Variants in ANKFN1 observed in about 807,000 individuals in gnomAD.
The protein encoded by ANKFN1 is ankyrin repeat and fibronectin type-III domain-containing protein 1.
In ANKFN1, 74 loss-of-function variants were observed where a neutral mutation model predicts 108.7. The observed-to-expected ratio is 0.68, with a 90% confidence interval of 0.56 to 0.83. The LOEUF (loss-of-function observed/expected upper bound fraction) is 0.83, where lower values mean the gene tolerates loss of function less well. Among genes scored for constraint, ANKFN1 ranks in the 40% least tolerant of loss-of-function variants. ANKFN1 has a pLI of 0.00. For synonymous variants in ANKFN1, 547 were observed against 516.2 expected (o/e 1.06, Z -0.81); for missense variants, 1,505 against 1,382.3 (o/e 1.09, Z -1.41).
chr17:56,055,983 G>T (rs928211961), intron 4 of ANKFN1, among the ~76,000 whole-genome samples: 3 of 151,734 alleles, frequency 2.0e-5, no homozygotes, highest in Non-Finnish European at 2.9e-5. Context: ...TTGATGTTGA[G>T]AATTTTTTCA....
chr17:56,204,801 C>T (rs1212362196), intron 1 of ANKFN1, among the ~76,000 whole-genome samples: 1 of 152,056 alleles, frequency 6.6e-6, no homozygotes, highest in Non-Finnish European at 1.5e-5. Context: ...ACTGGCTGGG[C>T]GCGGTGGCTC....
At chr17:56,051,512 A>C (rs1280170095) in intron 4 of ANKFN1, among the ~76,000 whole-genome samples, 1 of 137,594 alleles carries the variant, frequency 7.3e-6, no homozygotes, top group Non-Finnish European at 1.6e-5. Flanking sequence ...CTGGCACAAG[A>C]CAGGGATGCC....
chr17:56,418,493 G>A (rs2048305829), intron 8 of ANKFN1, among the ~76,000 whole-genome samples: 1 of 152,082 alleles, frequency 6.6e-6, no homozygotes. Flanking sequence ...TTTCTTAGAA[G>A]TTTTGCTTAA....
At chr17:56,298,180 A>G (rs2044567885) in intron 3 of ANKFN1, among the ~76,000 whole-genome samples, 1 of 152,200 alleles carries the variant, frequency 6.6e-6, no homozygotes, top group African/African-American at 2.4e-5. Flanking sequence ...TTTGAAAGCA[A>G]TTGATATAGA....
intron 2 of ANKFN1, among the ~76,000 whole-genome samples, chr17:56,216,078 C>T (rs1893538041): frequency 6.6e-6 from 1 of 152,210 alleles, no homozygotes; most frequent in African/African-American, 2.4e-5. Context: ...TTGAGGTCAC[C>T]TTTTGTGAGA....
chr17:56,354,721 T>G (rs938390150), intron 6 of ANKFN1, among the ~76,000 whole-genome samples: 4 of 152,204 alleles, frequency 2.6e-5, no homozygotes, highest in Non-Finnish European at 5.9e-5. Flanking sequence ...ACACTGTAAT[T>G]TCTGCTTCTA....
intron 4 of ANKFN1, among the ~76,000 whole-genome samples, chr17:56,114,613 T>G (rs1485841235): frequency 6.6e-6 from 1 of 152,192 alleles, no homozygotes; most frequent in Non-Finnish European, 1.5e-5. Context: ...TTTGGACAGC[T>G]CTTGGCAGAA....
At chr17:56,280,823 T>C (rs1179761093) in intron 3 of ANKFN1, among the ~76,000 whole-genome samples, 1 of 152,214 alleles carries the variant, frequency 6.6e-6, no homozygotes, top group Non-Finnish European at 1.5e-5. Flanking sequence ...GGTTTGGCTA[T>C]GTCCCCACCC....
chr17:56,316,494 G>T (rs2045212269), intron 3 of ANKFN1, among the ~76,000 whole-genome samples: 1 of 152,046 alleles, frequency 6.6e-6, no homozygotes, highest in Admixed American at 6.6e-5. Context: ...ATGGAGAAAA[G>T]GACCTGGAAA....
chr17:56,144,813 T>C (rs1908156560), intron 4 of ANKFN1, among the ~76,000 whole-genome samples: 1 of 152,230 alleles, frequency 6.6e-6, no homozygotes, highest in African/African-American at 2.4e-5. Context: ...CACAAATCCC[T>C]GAAGCAGACC....
intron 19 of ANKFN1, among the ~76,000 whole-genome samples, chr17:56,496,327 G>C (rs952949563): frequency 2.0e-5 from 3 of 152,120 alleles, no homozygotes; most frequent in African/African-American, 7.2e-5. Context: ...TATCCAAAGA[G>C]AGCAGGTAGA....
intron 4 of ANKFN1, among the ~76,000 whole-genome samples, chr17:56,047,229 G>A (rs530929431): frequency 6.6e-6 from 1 of 152,264 alleles, no homozygotes; most frequent in South Asian, 2.1e-4. Context: ...GGAGACACAG[G>A]ATCCCCCTCC....
At chr17:56,268,580 C>CAG (rs1373337287) in intron 3 of ANKFN1, among the ~76,000 whole-genome samples, 1 of 152,228 alleles carries the variant, frequency 6.6e-6, no homozygotes, top group East Asian at 1.9e-4. Context: ...TAACCAAAAT[C>CAG]AGAACTGAGT....
chr17:56,099,258 A>G (rs1436454590), intron 4 of ANKFN1, among the ~76,000 whole-genome samples: 2 of 152,222 alleles, frequency 1.3e-5, no homozygotes, highest in Non-Finnish European at 2.9e-5. Flanking sequence ...GGATTGATGG[A>G]TCAGATCACA....
chr17:56,464,353 T>C (rs144495285), intron 14 of ANKFN1, among the ~76,000 whole-genome samples: 2 of 152,314 alleles, frequency 1.3e-5, no homozygotes, highest in African/African-American at 4.8e-5. Context: ...TCCGGCGTCT[T>C]AATGATAATA....
At chr17:56,106,815 T>A (rs1905760888) in intron 4 of ANKFN1, among the ~76,000 whole-genome samples, 1 of 152,148 alleles carries the variant, frequency 6.6e-6, no homozygotes, top group Non-Finnish European at 1.5e-5. Flanking sequence ...CGCCTGAGAA[T>A]GTATAAAGTG....
At chr17:56,057,593 C>T (rs529692718) in intron 4 of ANKFN1, among the ~76,000 whole-genome samples, 1 of 152,266 alleles carries the variant, frequency 6.6e-6, no homozygotes, top group Admixed American at 6.5e-5. Context: ...CGAGACCAAC[C>T]TGGCCAACAT....
intron 8 of ANKFN1, among the ~76,000 whole-genome samples, chr17:56,405,633 A>G (rs2047898396): frequency 6.6e-6 from 1 of 152,204 alleles, no homozygotes; most frequent in Non-Finnish European, 1.5e-5. Context: ...ACGTTGTTTA[A>G]AGGAGTAAAA....
intron 1 of ANKFN1, among the ~76,000 whole-genome samples, chr17:56,168,362 A>G (rs1343975801): frequency 6.6e-6 from 1 of 152,046 alleles, no homozygotes; most frequent in Non-Finnish European, 1.5e-5. Context: ...CAGATAGGAC[A>G]GGACTTCAGC....
Sources: gnomAD v4.1 joint callset for allele counts (sites outside exome capture counted in the v4.1 genomes callset) on GRCh38, gnomAD v4.1.1 for gene constraint, MANE v1.5 for transcripts, NCBI Gene and HGNC (gene_info 2026-07-23, HGNC 2026-07-21) for gene names.